LPXN: variants seen among roughly 807,000 people sequenced by gnomAD.
LPXN encodes the protein leupaxin.
LPXN carries 28 observed loss-of-function variants against 45.6 expected under a neutral mutation model. That is an observed-to-expected ratio of 0.61 (90% confidence interval 0.45 to 0.84). The LOEUF is 0.84. Among genes scored for constraint, LPXN ranks in the 40% least tolerant of loss-of-function variants. The pLI is 0.00. For synonymous variants in LPXN, 166 were observed against 169.9 expected, an observed-to-expected ratio of 0.98 and a Z score of 0.18; for missense variants, 459 against 475.0, an observed-to-expected ratio of 0.97 and a Z score of 0.31.
intron 2 of LPXN, among the ~76,000 whole-genome samples, chr11:58,570,341 A>T (rs1477259738): frequency 6.6e-6 from 1 of 151,688 alleles, no homozygotes; most frequent in African/African-American, 2.4e-5. Context: ...AAAAAAATAA[A>T]AAAAATTTAG....
At chr11:58,536,156 C>A (rs1202905914) in intron 7 of LPXN, among the ~76,000 whole-genome samples, 1 of 152,184 alleles carries the variant, frequency 6.6e-6, no homozygotes, top group East Asian at 1.9e-4. Context: ...TTAGAAAAAA[C>A]TACTTTAAAT....
intron 4 of LPXN, 176 bp downstream of exon 4, chr11:58,554,665 T>G: frequency 1.9e-6 from 1 of 519,188 alleles, no homozygotes; most frequent in South Asian, 2.9e-5. Context: ...AGTACAAAGA[T>G]GGGTTAATTC....
chr11:58,534,177 A>T (rs1853479512), intron 7 of LPXN, among the ~76,000 whole-genome samples: 1 of 152,230 alleles, frequency 6.6e-6, no homozygotes, highest in African/African-American at 2.4e-5. Context: ...AGCAGACCTG[A>T]TAGACATCTA....
rs1023404944 is a variant in LPXN at position 58,549,769 on chromosome 11, C to T, written c.742+17G>A. The T allele has an allele frequency of 6.2e-7, 1 of 1,613,142 alleles. No individual in the cohort carries two copies. Among genetic ancestry groups the T allele is most frequent in the African/African-American group, 1.3e-5 (1 of 74,892 alleles). ...CCCACTGGGGTGTGGGATACAGCCT[C>T]TCAAGTCGGGTCATACCTTCTGCAC... On this transcript the variant is annotated intron_variant, in intron 7 of 8. Coordinates refer to ENST00000395074, the MANE Select transcript of LPXN (RefSeq NM_004811.3).
rs765608078 is a variant in LPXN, at chr11:58,549,851, A to C, written c.677T>G (p.Met226Arg). Residue 226 changes from methionine to arginine, a missense_variant, in exon 7 of 9, where the codon ATG (methionine) becomes AGG (arginine). Coordinates refer to ENST00000395074, the MANE Select transcript of LPXN (RefSeq NM_004811.3). ...GTGCTCTGGGTGCCAGGTCTGGTTC[A>C]TTGCTGTCAGCACTTTCTGGAAAGG... ...APILDKVLTA[M>R]NQTWHPEHFF... 1 of 1,614,180 alleles carries C rather than the reference A, an allele frequency of 6.2e-7. No individual in the cohort carries two copies. Among genetic ancestry groups the C allele is most frequent in the Non-Finnish European group, 8.5e-7 (1 of 1,180,042 alleles).
chr11:58,527,362 G>T lies in LPXN; in HGVS notation c.*92C>A. ...TTTCCTTTTTCTATAAGACTATTAA[G>T]CAGAAGGTCAGTAACAGAAAATTTA... On this transcript the variant is annotated 3_prime_UTR_variant, in exon 9 of 9. Transcript: ENST00000395074. 1 of 1,332,130 alleles carries T rather than the reference G, an allele frequency of 7.5e-7. No homozygotes were observed. The allele number at this position is 1,332,130 out of a possible 1,614,324, so 82.5% of individuals were successfully genotyped here. A position where few individuals can be genotyped will look rare whatever the true frequency, so the allele number is the denominator to read the frequency against.
rs182899504 is a variant in LPXN at position 58,538,982 on chromosome 11, G to A, written c.743-10791C>T. Among the ~76,000 whole-genome samples, 27 of 112,922 alleles carry A rather than the reference G, an allele frequency of 2.4e-4. 1 individual carries two copies. In the East Asian group the frequency reaches 5.6e-3, roughly 24 times the overall value. 74.1% of individuals were successfully genotyped at this position (112,922 alleles called of 152,430 possible). On this transcript the variant is annotated intron_variant, in intron 7 of 8. Coordinates refer to ENST00000395074, the MANE Select transcript of LPXN (RefSeq NM_004811.3). ...ATCAGATATATTAGTATGAACTCAT[G>A]ACTTACTTTTCTTTAAAAAAAACAA...
intron 2 of LPXN, among the ~76,000 whole-genome samples, chr11:58,568,138 C>A (rs1398196450): frequency 1.3e-5 from 2 of 152,160 alleles, no homozygotes; most frequent in African/African-American, 4.8e-5. Context: ...CTCAGAAATT[C>A]TTCTGCTACC....
intron 7 of LPXN, among the ~76,000 whole-genome samples, chr11:58,531,307 T>G (rs1265722489): frequency 6.6e-6 from 1 of 152,026 alleles, no homozygotes; most frequent in South Asian, 2.1e-4. Context: ...CTAAGAACCT[T>G]GAAAACAGGT....
At chr11:58,549,933 T>C (rs996241653) in intron 6 of LPXN, 40 bp downstream of exon 6, 5 of 1,613,778 alleles carry the variant, frequency 3.1e-6, no homozygotes, top group Non-Finnish European at 4.2e-6. Flanking sequence ...TGGTTCTAAG[T>C]GAGTGACTGA....
At chr11:58,578,125 G>T, upstream of LPXN, 1 of 1,512,638 alleles carries the variant, frequency 6.6e-7, no homozygotes, top group East Asian at 2.5e-5. Flanking sequence ...CAGACACCCC[G>T]AGAAAGGTAC....
At chr11:58,538,725 T>C (rs1238971789) in intron 7 of LPXN, among the ~76,000 whole-genome samples, 11 of 152,068 alleles carry the variant, frequency 7.2e-5, no homozygotes, top group Non-Finnish European at 1.5e-4. Context: ...ACTGTGTATA[T>C]CAAAATATCA....
At chr11:58,578,803 C>T (rs1445652995), upstream of LPXN, among the ~76,000 whole-genome samples, 2 of 152,012 alleles carry the variant, frequency 1.3e-5, no homozygotes, top group Admixed American at 6.5e-5. Flanking sequence ...CTCGCGAGAC[C>T]TGCCCCTCGC....
chr11:58,562,368 T>A (rs1248900220), intron 3 of LPXN, among the ~76,000 whole-genome samples: 1 of 152,172 alleles, frequency 6.6e-6, no homozygotes, highest in East Asian at 1.9e-4. Context: ...TGTCTAATAT[T>A]CTATTTATAT....
At chr11:58,575,727 C>A in intron 1 of LPXN, 33 bp downstream of exon 1, 1 of 1,613,790 alleles carries the variant, frequency 6.2e-7, no homozygotes, top group Non-Finnish European at 8.5e-7. Context: ...AGTCTTCACT[C>A]CCTCAGAGTT....
At chr11:58,554,977 C>T in intron 3 of LPXN, 37 bp from the exon 4 acceptor site, 1 of 1,311,752 alleles carries the variant, frequency 7.6e-7, no homozygotes, top group Non-Finnish European at 1.1e-6. Flanking sequence ...ATGAACAAAT[C>T]AAAACTCAAA....
intron 2 of LPXN, among the ~76,000 whole-genome samples, chr11:58,570,191 T>C (rs1362166644): frequency 1.3e-5 from 2 of 151,882 alleles, no homozygotes; most frequent in East Asian, 3.9e-4. Context: ...TAATCCTAGC[T>C]ATTTGGGAGG....
At chr11:58,577,367 C>G (rs2134374409), upstream of LPXN, among the ~76,000 whole-genome samples, 1 of 152,308 alleles carries the variant, frequency 6.6e-6, no homozygotes, top group East Asian at 1.9e-4. Context: ...GAAGTGGTAT[C>G]TGAGTCAAAG....
Position 58,528,031 on chromosome 11 carries a change from G to C in LPXN, c.891+12C>G, listed in dbSNP as rs1033639541. 6.2e-7 allele frequency: 1 copy of C among 1,610,614 alleles called. No individual in the cohort carries two copies. Among genetic ancestry groups the C allele is most frequent in the African/African-American group, 1.3e-5 (1 of 74,788 alleles). On this transcript the variant is annotated intron_variant, in intron 8 of 8. Coordinates refer to ENST00000395074, the MANE Select transcript of LPXN (RefSeq NM_004811.3). ...CTTTCCCTAAGTCCGAAAGAAAAGT[G>C]ATTATACAGACCCCACAAACAAAGC...
Sources: allele counts gnomAD v4.1 joint callset (sites outside exome capture counted in the v4.1 genomes callset), GRCh38; gene constraint gnomAD v4.1.1; transcripts MANE v1.5; gene names NCBI Gene and HGNC (gene_info 2026-07-23, HGNC 2026-07-21).